The following PDIA3 variants were observed in gnomAD, a reference collection of about 807,000 sequenced individuals.
PDIA3 encodes protein disulfide isomerase family A member 3, also known as protein disulfide-isomerase A3.
PDIA3 carries 16 observed loss-of-function variants against 56.9 expected under a neutral mutation model. The ratio of observed to expected loss-of-function variants is 0.28; its 90% CI spans 0.19 to 0.43. The LOEUF (loss-of-function observed/expected upper bound fraction) is 0.43. PDIA3 is among the 20% of genes least tolerant of loss of function. The probability of loss-of-function intolerance (pLI) is 1.00; values close to 1 mark genes in which losing one functional copy is unlikely to be tolerated. For missense variants in PDIA3, 485 were observed against 621.3 expected, an observed-to-expected ratio of 0.78 and a Z score of 2.33; for synonymous variants, 192 against 216.5, an observed-to-expected ratio of 0.89 and a Z score of 0.99.
Position 43,756,783 on chromosome 15 carries a change from AC to A in PDIA3, c.364+18del. 3 of 1,294,066 alleles carry A rather than the reference AC, an allele frequency of 2.3e-6. No homozygotes were observed. Among genetic ancestry groups the A allele is most frequent in the Non-Finnish European group, 3.4e-6 (3 of 893,990 alleles). The allele number at this position is 1,294,066 out of a possible 1,614,324, so 80.2% of individuals were successfully genotyped here. A position where few individuals can be genotyped will look rare whatever the true frequency, so the allele number is the denominator to read the frequency against. The stretch of plus-strand genomic sequence containing the variant: ...GGACTGCTGGTAAGGATCCTGAATT[AC>A]ATTCTGGAAACTGATGTTAAGTACC... On this transcript the variant is annotated intron_variant, in intron 3 of 12. Transcript: ENST00000300289.
At chr15:43,766,592 T>C (rs2086848791) in intron 7 of PDIA3, 136 bp from the exon 8 acceptor site, 3 of 683,438 alleles carry the variant, frequency 4.4e-6, no homozygotes, top group Non-Finnish European at 7.4e-6. Flanking sequence ...GCCCAAGAGC[T>C]CAGACTGTTC....
intron 4 of PDIA3, among the ~76,000 whole-genome samples, chr15:43,762,511 CAAAA>C (rs767755194): frequency 7.1e-5 from 4 of 55,962 alleles, no homozygotes; most frequent in Admixed American, 2.0e-4. Context: ...AACTCTGTCG[CAAAA>C]AAAAAAAAAA....
chr15:43,752,227 T>A (rs1462449336), intron 1 of PDIA3, among the ~76,000 whole-genome samples: 1 of 152,220 alleles, frequency 6.6e-6, no homozygotes, highest in Non-Finnish European at 1.5e-5. Flanking sequence ...TTAAATACCC[T>A]GCCCTCTTCT....
rs760266609 is a variant in PDIA3, at chr15:43,763,064, A to G, written c.473-13A>G. 1 of 1,612,308 alleles carries G rather than the reference A, an allele frequency of 6.2e-7. No homozygotes were observed. The highest frequency in any genetic ancestry group is 1.7e-5 in the Admixed American group (1 of 59,900). Reference sequence around the variant, plus strand: ...TTATTGCTTCTTCCTTGTGTTTAATATTTTCTGTATAGGTTTTTTCGATGA... The same window carrying G: ...TTATTGCTTCTTCCTTGTGTTTAATGTTTTCTGTATAGGTTTTTTCGATGA... On this transcript the variant is annotated splice_polypyrimidine_tract_variant and intron_variant, in intron 4 of 12. Coordinates refer to ENST00000300289, the MANE Select transcript of PDIA3 (RefSeq NM_005313.5).
At chr15:43,767,769 CAAAAAAAA>C (rs11294471) in intron 8 of PDIA3, among the ~76,000 whole-genome samples, 51 of 73,444 alleles carry the variant, frequency 6.9e-4, no homozygotes, top group African/African-American at 2.4e-3. Flanking sequence ...GACTCTGTCT[CAAAAAAAA>C]AAAAAAAAAA....
intron 4 of PDIA3, 99 bp downstream of exon 4, chr15:43,761,630 C>T (rs1353503058): frequency 2.1e-5 from 14 of 657,204 alleles, no homozygotes; most frequent in Middle Eastern, 2.5e-4. Flanking sequence ...GTTAAGGAAA[C>T]CTTGGGGCAG....
intron 1 of PDIA3, among the ~76,000 whole-genome samples, chr15:43,750,138 G>T (rs115960942): frequency 0.016 from 2,369 of 146,976 alleles, 76 homozygotes; most frequent in African/African-American, 0.057. Flanking sequence ...GCGCGATCCC[G>T]GCTCTGCAAC....
At chr15:43,760,724 G>T (rs1264166150) in intron 3 of PDIA3, among the ~76,000 whole-genome samples, 1 of 150,894 alleles carries the variant, frequency 6.6e-6, no homozygotes, top group East Asian at 2.1e-4. Flanking sequence ...GTGGAGACGG[G>T]GTTTCACCGT....
chr15:43,753,390 A>G (rs1013012465), intron 1 of PDIA3, among the ~76,000 whole-genome samples: 5 of 152,210 alleles, frequency 3.3e-5, no homozygotes, highest in African/African-American at 1.2e-4. Flanking sequence ...AACAACCACA[A>G]TGCTGGTTTC....
At chr15:43,769,890 A>G (rs549806582) in intron 10 of PDIA3, among the ~76,000 whole-genome samples, 1 of 152,322 alleles carries the variant, frequency 6.6e-6, no homozygotes, top group Non-Finnish European at 1.5e-5. Flanking sequence ...ATATCTAAGG[A>G]CTTCTGAATT....
chr15:43,763,614 T>G (rs1482794270), intron 5 of PDIA3, among the ~76,000 whole-genome samples: 1 of 152,210 alleles, frequency 6.6e-6, no homozygotes, highest in African/African-American at 2.4e-5. Flanking sequence ...CAAGGCATTA[T>G]GCTACATGCC....
At chr15:43,753,993 G>T (rs1596019254) in intron 2 of PDIA3, 91 bp downstream of exon 2, 1 of 837,864 alleles carries the variant, frequency 1.2e-6, no homozygotes, top group East Asian at 2.4e-5. Flanking sequence ...AAAAATAACA[G>T]TAATAAATAG....
chr15:43,766,660 C>A, intron 7 of PDIA3, 68 bp from the exon 8 acceptor site: 1 of 1,244,560 alleles, frequency 8.0e-7, no homozygotes, highest in Non-Finnish European at 1.1e-6. Context: ...CAATCACTTG[C>A]TTCTTAGTTT....
chr15:43,766,973 G>A, intron 8 of PDIA3, 63 bp downstream of exon 8: 4 of 1,376,116 alleles, frequency 2.9e-6, no homozygotes, highest in Admixed American at 1.7e-5. Context: ...TACTACAAAG[G>A]ATTTCTAAAG....
intron 5 of PDIA3, 126 bp from the exon 6 acceptor site, chr15:43,765,324 T>C: frequency 1.5e-6 from 1 of 688,264 alleles, no homozygotes; most frequent in Non-Finnish European, 2.6e-6. Flanking sequence ...AAGGCTACAG[T>C]GAGCTATAAT....
chr15:43,751,146 A>AT (rs11397184), intron 1 of PDIA3, among the ~76,000 whole-genome samples: 23,688 of 131,500 alleles, frequency 0.18, 2,507 homozygotes, highest in East Asian at 0.31. Context: ...AAAAAAAAAA[A>AT]AATAATATAT....
intron 2 of PDIA3, among the ~76,000 whole-genome samples, chr15:43,756,119 C>T (rs1486857233): frequency 3.9e-5 from 6 of 152,116 alleles, no homozygotes; most frequent in Non-Finnish European, 8.8e-5. Flanking sequence ...TTTCCTTCTT[C>T]CTGATAGGTC....
chr15:43,752,816 C>T (rs1471689944), intron 1 of PDIA3: 2 of 471,052 alleles, frequency 4.2e-6, no homozygotes. Context: ...CAGAACTCAC[C>T]TTCTCAACGT....
Position 43,746,963 on chromosome 15 carries a change from C to G in PDIA3, c.167+257C>G, listed in dbSNP as rs542260487. 3 of 554,522 alleles carry G rather than the reference C, an allele frequency of 5.4e-6. No homozygotes were observed. The African/African-American group carries it at 5.8e-5, about 11-fold the overall frequency. The allele number at this position is 554,522 out of a possible 1,614,324, so 34.4% of individuals were successfully genotyped here. A position where few individuals can be genotyped will look rare whatever the true frequency, so the allele number is the denominator to read the frequency against. ...TTATCTCGGTGCTCTTGTGGCACTT[C>G]CTATTTGCAGAGGGTTTTGCCACCC... On this transcript the variant is annotated intron_variant, in intron 1 of 12. Transcript: ENST00000300289.
Sources: gnomAD v4.1 joint callset for allele counts (sites outside exome capture counted in the v4.1 genomes callset) on GRCh38, gnomAD v4.1.1 for gene constraint, MANE v1.5 for transcripts, NCBI Gene and HGNC (gene_info 2026-07-23, HGNC 2026-07-21) for gene names.